EPRS1: variants seen among roughly 807,000 people sequenced by gnomAD.
EPRS1 encodes bifunctional glutamate/proline--tRNA ligase.
Under a neutral mutation model 188.3 loss-of-function variants are expected in EPRS1, and 107 were observed. The observed-to-expected ratio is 0.57, with a 90% CI of 0.49 to 0.67. The LOEUF (loss-of-function observed/expected upper bound fraction) is 0.67. Among genes scored for constraint, EPRS1 ranks in the 30% least tolerant of loss-of-function variants. The pLI is 0.00. For missense variants in EPRS1, 1,577 were observed against 1,802.2 expected (o/e 0.88, Z 2.26); for synonymous variants, 596 against 593.1 (o/e 1.00, Z -0.07).
chr1:220,025,404 T>C, intron 6 of EPRS1, 146 bp from the exon 7 acceptor site: 1 of 522,162 alleles, frequency 1.9e-6, no homozygotes. Flanking sequence ...AAAAGTACTG[T>C]GATAGAAAAT....
At chr1:220,042,486 CAAAAAAA>C (rs755731080) in intron 1 of EPRS1, among the ~76,000 whole-genome samples, 58 of 113,466 alleles carry the variant, frequency 5.1e-4, no homozygotes, top group African/African-American at 1.5e-3. Flanking sequence ...CCCCATCTCC[CAAAAAAA>C]AAAAAAGAAA....
At chr1:219,984,728 G>C (rs570733555) in intron 20 of EPRS1, among the ~76,000 whole-genome samples, 152 of 149,002 alleles carry the variant, frequency 1.0e-3, no homozygotes, top group African/African-American at 3.6e-3. Flanking sequence ...TAGCCCCTAA[G>C]ATAATGTTTT....
chr1:219,996,672 T>C (rs1661240325), intron 18 of EPRS1, among the ~76,000 whole-genome samples: 1 of 152,146 alleles, frequency 6.6e-6, no homozygotes, highest in Admixed American at 6.6e-5. Context: ...TTATAAATGG[T>C]TTCCACCTTT....
Position 219,980,865 on chromosome 1 carries a change from A to T in EPRS1, c.3454-8T>A. 1 of 1,594,146 alleles carries T rather than the reference A, an allele frequency of 6.3e-7. No homozygotes were observed. The highest frequency in any genetic ancestry group is 8.6e-7 in the Non-Finnish European group (1 of 1,164,474). On this transcript the variant is annotated splice_region_variant and splice_polypyrimidine_tract_variant and intron_variant, in intron 24 of 31. Transcript: ENST00000366923. ...ATGCTTGAATTCCCAACGCTGGAAGAGGCAAGAAAACAATTTAGTCATTAT... is the reference window on the plus strand; with the variant it reads ...ATGCTTGAATTCCCAACGCTGGAAGTGGCAAGAAAACAATTTAGTCATTAT...
chr1:219,983,309 G>A lies in EPRS1; in HGVS notation c.3180C>T (p.Ile1060=). 6.2e-7 allele frequency: 1 copy of A among 1,613,970 alleles called. No homozygotes were observed. Among genetic ancestry groups the A allele is most frequent in the Non-Finnish European group, 8.5e-7 (1 of 1,179,836 alleles). The change falls in exon 22 of 32, where the codon ATC becomes ATT. Residue 1060 remains isoleucine, a synonymous_variant. Coordinates refer to ENST00000366923, the MANE Select transcript of EPRS1 (RefSeq NM_004446.3). ...TGATCTCAGCATCAAAAAAGTCCTT[G>A]ATGGCTTCCCAAATGGCATAGGCCC... ...RPWAYAIWEA[I]KDFFDAEIKK...
chr1:219,981,490 T>G (rs373468590), intron 23 of EPRS1, 33 bp from the exon 24 acceptor site: 1 of 1,417,006 alleles, frequency 7.1e-7, no homozygotes, highest in African/African-American at 1.4e-5. Context: ...GACAGTCATT[T>G]AAGGCTTTAT....
At chr1:220,007,977 T>C (rs890031404) in intron 13 of EPRS1, among the ~76,000 whole-genome samples, 13 of 151,992 alleles carry the variant, frequency 8.6e-5, no homozygotes, top group African/African-American at 3.1e-4. Flanking sequence ...CGTGGTGGCA[T>C]GCACCTGTAG....
intron 12 of EPRS1, among the ~76,000 whole-genome samples, chr1:220,013,078 T>C (rs1661638735): frequency 6.6e-6 from 1 of 152,184 alleles, no homozygotes. Context: ...AAGCAGTCAA[T>C]AAGGGTTCAT....
chr1:219,976,961 C>A (rs1660793093), intron 28 of EPRS1, among the ~76,000 whole-genome samples: 1 of 152,024 alleles, frequency 6.6e-6, no homozygotes. Context: ...CCCCTTTATA[C>A]TTTCATAATA....
At chr1:219,985,044 C>G (rs1264803547) in intron 20 of EPRS1, among the ~76,000 whole-genome samples, 1 of 98,846 alleles carries the variant, frequency 1.0e-5, no homozygotes, top group African/African-American at 4.8e-5. Flanking sequence ...AACTCCGTCT[C>G]AAAAGAAAAA....
At position 220,018,417 on chromosome 1, in the gene EPRS1, G is replaced by A. The variant is rs746534724; in HGVS notation, c.1494+32C>T. On this transcript the variant is annotated intron_variant, in intron 12 of 31. Transcript: ENST00000366923. ...TGTACATTATTTGGGACTTAAGCATGAGAAAAGAAGGCAGAGAGTTAACAT... is the reference window on the plus strand; with the variant it reads ...TGTACATTATTTGGGACTTAAGCATAAGAAAAGAAGGCAGAGAGTTAACAT... 18 of 1,528,064 alleles carry A rather than the reference G, an allele frequency of 1.2e-5. No individual in the cohort carries two copies. In the South Asian group the frequency reaches 1.5e-4, roughly 12 times the overall value. The allele number at this position is 1,528,064 out of a possible 1,614,324, so 94.7% of individuals were successfully genotyped here.
intron 21 of EPRS1, 34 bp from the exon 22 acceptor site, chr1:219,983,432 A>G (rs1167021303): frequency 1.3e-6 from 2 of 1,489,554 alleles, no homozygotes; most frequent in Non-Finnish European, 9.2e-7. Flanking sequence ...TAAAGCTTAC[A>G]TTGAACCAAA....
In EPRS1 at chr1:220,043,768, G is replaced by C. The variant is rs574675824; in HGVS notation, c.46+2575C>G. ...GGATATTCTTCAAGTTAAGTGGCCTGTTATCTTCAGAAAGGTCAAAGCTAT... is the reference window on the plus strand; with the variant it reads ...GGATATTCTTCAAGTTAAGTGGCCTCTTATCTTCAGAAAGGTCAAAGCTAT... On this transcript the variant is annotated intron_variant, in intron 1 of 31. Coordinates refer to ENST00000366923, the MANE Select transcript of EPRS1 (RefSeq NM_004446.3). 5.3e-5 allele frequency among the ~76,000 whole-genome samples: 8 copies of C among 152,316 alleles called. No individual in the cohort carries two copies. The South Asian group carries it at 1.5e-3, about 28-fold the overall frequency.
At chr1:219,999,973 C>T (rs915653395) in intron 17 of EPRS1, among the ~76,000 whole-genome samples, 8 of 152,052 alleles carry the variant, frequency 5.3e-5, no homozygotes, top group African/African-American at 1.9e-4. Flanking sequence ...AATACTCTGT[C>T]TCAAATAAAA....
Position 219,985,881 on chromosome 1 carries a change from A to C in EPRS1, c.3038+1261T>G, listed in dbSNP as rs78755873. 5.5e-3 allele frequency among the ~76,000 whole-genome samples: 837 copies of C among 152,330 alleles called. 10 individuals carry two copies. Among genetic ancestry groups the C allele is most frequent in the African/African-American group, 0.02 (812 of 41,570 alleles). ...AAAAACAAGGTTTTACTGGCTAAAAATTTTAATGTATTTGCATTTGCATTC... is the reference window on the plus strand; with the variant it reads ...AAAAACAAGGTTTTACTGGCTAAAACTTTTAATGTATTTGCATTTGCATTC... On this transcript the variant is annotated intron_variant, in intron 20 of 31. Transcript: ENST00000366923.
At chr1:219,988,442 A>G (rs1661053896) in intron 19 of EPRS1, 148 bp downstream of exon 19, 1 of 613,126 alleles carries the variant, frequency 1.6e-6, no homozygotes, top group South Asian at 2.1e-5. Context: ...ACAATCAACA[A>G]AGTTTCTCTA....
chr1:220,040,371 C>T, intron 1 of EPRS1, 102 bp from the exon 2 acceptor site: 1 of 750,314 alleles, frequency 1.3e-6, no homozygotes, highest in Non-Finnish European at 2.2e-6. Flanking sequence ...AATATTAAGT[C>T]CTACAAGGAG....
rs761754930 is a variant in EPRS1 at position 219,980,132 on chromosome 1, T to C, written c.3664A>G (p.Thr1222Ala). ...EKEKFAGGDY[T>A]TTIEAFISAS... ...GATATAAATGCTTCTATTGTAGTTG[T>C]ATAGTCTCCTCCTGCAAATTTTTCC... The change falls in exon 26 of 32, where the codon ACA becomes GCA. Residue 1222 changes from threonine to alanine, a missense_variant. Transcript: ENST00000366923. The C allele has an allele frequency of 6.2e-7, 1 of 1,613,968 alleles. No homozygotes were observed. The highest frequency in any genetic ancestry group is 1.7e-5 in the Admixed American group (1 of 60,018).
Position 220,030,288 on chromosome 1 carries a change from T to C in EPRS1, c.623+98A>G, listed in dbSNP as rs1287679539. 12 of 731,478 alleles carry C rather than the reference T, an allele frequency of 1.6e-5. No homozygotes were observed. In the Admixed American group the frequency reaches 3.0e-4, roughly 19 times the overall value. The allele number at this position is 731,478 out of a possible 1,614,324, so 45.3% of individuals were successfully genotyped here. On this transcript the variant is annotated intron_variant, in intron 6 of 31. Transcript: ENST00000366923. ...TCACAATTAAAATCTTATGTTCTTC[T>C]ATATTATTAACCTATTAATACTTTA...
Sources: allele counts gnomAD v4.1 joint callset (sites outside exome capture counted in the v4.1 genomes callset), GRCh38; gene constraint gnomAD v4.1.1; transcripts MANE v1.5; gene names NCBI Gene and HGNC (gene_info 2026-07-23, HGNC 2026-07-21).